OFD1: variants seen among roughly 807,000 people sequenced by gnomAD.
OFD1 encodes the protein OFD1 centriole and centriolar satellite protein.
A neutral mutation model predicts 81.4 loss-of-function variants in OFD1; 12 were observed. The observed-to-expected ratio is 0.15, with a 90% CI of 0.09 to 0.24. The LOEUF is 0.24. OFD1 is among the 10% of genes least tolerant of loss of function. OFD1 has a pLI of 1.00. For missense variants in OFD1, 685 were observed against 733.9 expected (o/e 0.93, Z 0.77); for synonymous variants, 256 against 263.7 (o/e 0.97, Z 0.28).
chrX:13,741,999 C>T (rs951250418), intron 5 of OFD1, among the ~76,000 whole-genome samples: 10 of 111,778 alleles, frequency 8.9e-5, no homozygotes, highest in Non-Finnish European at 1.3e-4. Context: ...GGCTGAGCTT[C>T]GGCTCAGAGG....
chrX:13,716,431 C>T, the OFD1 span: 19 of 1,007,353 alleles, frequency 1.9e-5, no homozygotes, highest in South Asian at 2.8e-4. Flanking sequence ...TTTCACCTGA[C>T]TGTGAAGTCT....
At chrX:13,720,495 T>TA in the OFD1 span, 1 of 112,598 alleles carries the variant, frequency 8.9e-6, no homozygotes, top group African/African-American at 3.2e-5. Flanking sequence ...TCATGTCACT[T>TA]ACCTAGAAAG....
chrX:13,769,050 T>A lies in OFD1; in HGVS notation c.2997-16T>A. 1 of 1,152,857 alleles carries A rather than the reference T, an allele frequency of 8.7e-7. No homozygotes were observed. Among genetic ancestry groups the A allele is most frequent in the Non-Finnish European group, 1.2e-6 (1 of 841,841 alleles). On this transcript the variant is annotated splice_polypyrimidine_tract_variant and intron_variant, in intron 22 of 22. Transcript: ENST00000340096. ...ACAAATTTTTACATTTTAATTTTTA[T>A]CTTTCCCTAATTTAGTTTAACAGGC...
intron 6 of OFD1, 121 bp downstream of exon 6, chrX:13,744,640 A>G (rs1281753889): frequency 5.8e-6 from 3 of 518,845 alleles, no homozygotes; most frequent in Non-Finnish European, 1.0e-5. Flanking sequence ...CCGGCAGGCA[A>G]CAAGGGAATT....
chrX:13,747,683 G>A (rs904289236), intron 8 of OFD1, among the ~76,000 whole-genome samples: 1 of 111,604 alleles, frequency 9.0e-6, no homozygotes, highest in Non-Finnish European at 1.9e-5. Context: ...AATGAGGATG[G>A]TCCAAGATTA....
intron 2 of OFD1, chrX:13,736,192 G>T (rs1469225880): frequency 3.3e-6 from 3 of 915,458 alleles, no homozygotes; most frequent in African/African-American, 2.1e-5. Flanking sequence ...TTCTAGGGAA[G>T]TGAAGTTATG....
chrX:13,752,731 G>A (rs1248757775), intron 10 of OFD1: 1 of 970,215 alleles, frequency 1.0e-6, no homozygotes, highest in African/African-American at 2.0e-5. Flanking sequence ...GTGTCTGCCT[G>A]GCTTTGGGAA....
intron 11 of OFD1, among the ~76,000 whole-genome samples, chrX:13,753,984 A>AT (rs772659719): frequency 0.028 from 2,857 of 101,471 alleles, 103 homozygotes; most frequent in African/African-American, 0.091. Flanking sequence ...ATTTCAGTGT[A>AT]TTTTTTTTTT....
the OFD1 span, chrX:13,722,167 G>A: frequency 1.1e-5 from 1 of 91,333 alleles, no homozygotes. Context: ...AGTTTGCCAA[G>A]GGAAGGGCTT....
chrX:13,729,300 C>T, the OFD1 span, among the ~76,000 whole-genome samples: 1 of 111,899 alleles, frequency 8.9e-6, no homozygotes, highest in Non-Finnish European at 1.9e-5. Context: ...AGACAATCCT[C>T]AGCCAAAAGA....
At chrX:13,767,305 C>G (rs1156893296) in intron 20 of OFD1, 21 bp downstream of exon 20, 8 of 1,203,809 alleles carry the variant, frequency 6.6e-6, no homozygotes, top group Non-Finnish European at 7.9e-6. Context: ...TGACTTGATT[C>G]TCTGAACTGG....
At position 13,760,163 on chromosome X, in the gene OFD1, G is replaced by A. The variant is rs376012267; in HGVS notation, c.1703G>A (p.Arg568His). The A allele has an allele frequency of 3.4e-5, 41 of 1,210,190 alleles. No individual in the cohort carries two copies. The highest frequency in any genetic ancestry group is 4.1e-5 in the Non-Finnish European group (37 of 895,062). Residue 568 changes from arginine to histidine, a missense_variant, in exon 16 of 23, where the codon CGT becomes CAT. Arg to His is a conservative substitution (Grantham distance 29). Coordinates refer to ENST00000340096, the MANE Select transcript of OFD1 (RefSeq NM_003611.3). The stretch of plus-strand genomic sequence containing the variant: ...AATCCAAAGCAGTCTGTGATCGATC[G>A]TTCTGTCAATGGATTAATAAATGGC... The part of the protein sequence containing the change: ...YCNPKQSVID[R>H]SVNGLINGNV...
intron 10 of OFD1, chrX:13,752,945 A>G: frequency 4.4e-6 from 4 of 905,288 alleles, no homozygotes; most frequent in South Asian, 2.5e-5. Flanking sequence ...CCTGAGCACA[A>G]AAGTTCTTAC....
Position 13,753,273 on chromosome X carries a change from C to G in OFD1, c.1056-95C>G. The G allele has an allele frequency of 5.0e-6, 6 of 1,192,499 alleles. No individual in the cohort carries two copies. In the South Asian group the frequency reaches 9.1e-5, roughly 18 times the overall value. ...TACAAGTTGTCATGTTTAGCACCCT[C>G]AGGTGCTCCTGTGCCATAGATAAGC... On this transcript the variant is annotated intron_variant, in intron 10 of 22. Coordinates refer to ENST00000340096, the MANE Select transcript of OFD1 (RefSeq NM_003611.3).
chrX:13,751,317 TAAAG>T lies in OFD1; in HGVS notation c.1006_1009del (p.Lys336ValfsTer15). Reference sequence around the variant, plus strand: ...GCACTTAGGAGACAGGAGCAGAATATAAAGAGTTTTGAGGAGACCTATGACCGAA... The same window carrying T: ...GCACTTAGGAGACAGGAGCAGAATATAGTTTTGAGGAGACCTATGACCGAA... On this transcript the variant is annotated frameshift_variant, in exon 10 of 23. Transcript: ENST00000340096. LOFTEE classifies it high-confidence loss of function. 8.3e-7 allele frequency: 1 copy of T among 1,204,155 alleles called. No homozygotes were observed.
intron 12 of OFD1, among the ~76,000 whole-genome samples, chrX:13,755,807 A>G (rs1181820931): frequency 9.0e-6 from 1 of 111,582 alleles, no homozygotes; most frequent in African/African-American, 3.3e-5. Flanking sequence ...GGTACTTACA[A>G]CATATTTTGT....
chrX:13,761,396 GGGAA>G lies in OFD1; in HGVS notation c.2387+186_2387+189del, dbSNP rs1162234366. Among the ~76,000 whole-genome samples the G allele has an allele frequency of 7.8e-4, 87 of 111,011 alleles. No homozygotes were observed. The East Asian group carries it at 0.019, about 24-fold the overall frequency. ...TTGAGAATCATCTAAATTACCTGGA[GGGAA>G]AAAGATTGCTTTTAGCAAATAAGTG... On this transcript the variant is annotated intron_variant, in intron 17 of 22. Coordinates refer to ENST00000340096, the MANE Select transcript of OFD1 (RefSeq NM_003611.3).
At position 13,735,312 on chromosome X, in the gene OFD1, C is replaced by T; in HGVS notation, c.77C>T (p.Thr26Met). 1.7e-6 allele frequency: 2 copies of T among 1,210,263 alleles called. No homozygotes were observed. Among genetic ancestry groups the T allele is most frequent in the South Asian group, 3.5e-5 (2 of 56,980 alleles). The change falls in exon 2 of 23, where the codon ACG becomes ATG. Residue 26 changes from threonine to methionine, a missense_variant. By Grantham distance (81) the Thr-to-Met change is moderately conservative (BLOSUM62 -1). Coordinates refer to ENST00000340096, the MANE Select transcript of OFD1 (RefSeq NM_003611.3). ...QDELRKKLYQTFKDRGILDTL... is the reference protein window; with the variant it reads ...QDELRKKLYQMFKDRGILDTL... ...GAACTGCGCAAAAAGCTATACCAGA[C>T]GTTTAAGGATCGGGGTATACTGGAT...
At chrX:13,716,240 T>C in the OFD1 span, 2 of 676,112 alleles carry the variant, frequency 3.0e-6, no homozygotes, top group Non-Finnish European at 4.3e-6. Flanking sequence ...CTTAGTTTTA[T>C]CATAAAGAGA....
Sources: gnomAD v4.1 joint callset for allele counts (sites outside exome capture counted in the v4.1 genomes callset) on GRCh38, gnomAD v4.1.1 for gene constraint, MANE v1.5 for transcripts, NCBI Gene and HGNC (gene_info 2026-07-23, HGNC 2026-07-21) for gene names.